Variants in NRG3 observed in about 807,000 individuals in gnomAD.
NRG3 encodes neuregulin 3.
A neutral mutation model predicts 66.9 loss-of-function variants in NRG3; 31 were observed. That is an observed-to-expected ratio of 0.46 (90% CI 0.35 to 0.63). The LOEUF is 0.63. Among genes scored for constraint, NRG3 ranks in the 20% least tolerant of loss-of-function variants. NRG3 has a pLI of 0.00. For synonymous variants in NRG3, 393 were observed against 359.4 expected, an observed-to-expected ratio of 1.09 and a Z score of -1.06; for missense variants, 910 against 878.9, an observed-to-expected ratio of 1.04 and a Z score of -0.45.
chr10:81,970,133 T>C (rs933029261), intron 1 of NRG3, among the ~76,000 whole-genome samples: 13 of 152,236 alleles, frequency 8.5e-5, no homozygotes, highest in African/African-American at 3.1e-4. Flanking sequence ...ACTTTAAAAG[T>C]AACTTTTCTA....
chr10:82,967,479 A>C (rs1851316967), intron 6 of NRG3, among the ~76,000 whole-genome samples: 1 of 152,204 alleles, frequency 6.6e-6, no homozygotes. Context: ...CACATAAAGC[A>C]TTCTCACAAT....
chr10:82,934,046 G>A (rs1592009261), intron 4 of NRG3, among the ~76,000 whole-genome samples: 1 of 152,258 alleles, frequency 6.6e-6, no homozygotes, highest in Admixed American at 6.5e-5. Context: ...TCTATCTCTA[G>A]GAACTGGTTA....
At chr10:82,469,107 T>C (rs766758006) in intron 2 of NRG3, among the ~76,000 whole-genome samples, 2 of 152,208 alleles carry the variant, frequency 1.3e-5, no homozygotes, top group South Asian at 2.1e-4. Context: ...ACTACAGTTA[T>C]TCACTTGGCC....
chr10:82,779,804 C>A (rs1186538500), intron 3 of NRG3, among the ~76,000 whole-genome samples: 1 of 151,672 alleles, frequency 6.6e-6, no homozygotes, highest in East Asian at 1.9e-4. Flanking sequence ...ATACATGTGC[C>A]ATGGTGGTTT....
At chr10:82,789,777 C>T (rs1481349232) in intron 3 of NRG3, among the ~76,000 whole-genome samples, 1 of 151,928 alleles carries the variant, frequency 6.6e-6, no homozygotes, top group East Asian at 1.9e-4. Context: ...CTATCACAGC[C>T]TTCCTTAGTA....
chr10:82,314,703 C>G (rs894105294), intron 1 of NRG3, among the ~76,000 whole-genome samples: 6 of 152,018 alleles, frequency 3.9e-5, no homozygotes, highest in Admixed American at 3.9e-4. Context: ...TCAGCTACTC[C>G]AGAGGCTGAG....
intron 1 of NRG3, among the ~76,000 whole-genome samples, chr10:82,288,245 C>T (rs540319086): frequency 3.4e-4 from 52 of 152,148 alleles, no homozygotes; most frequent in African/African-American, 9.4e-4. Context: ...TGTATGCTAC[C>T]CTTTTCACTT....
At chr10:82,448,590 A>G (rs558357838) in intron 2 of NRG3, among the ~76,000 whole-genome samples, 4 of 152,272 alleles carry the variant, frequency 2.6e-5, no homozygotes, top group Admixed American at 6.5e-5. Context: ...CAAAACATCT[A>G]AATCTCAATT....
chr10:82,365,004 G>GT (rs1183689220), intron 2 of NRG3, among the ~76,000 whole-genome samples: 4 of 152,138 alleles, frequency 2.6e-5, no homozygotes, highest in Non-Finnish European at 5.9e-5. Flanking sequence ...CTCTGAGTAG[G>GT]TTTTGAAATA....
chr10:82,661,199 A>G (rs1351911821), intron 2 of NRG3, among the ~76,000 whole-genome samples: 1 of 152,096 alleles, frequency 6.6e-6, no homozygotes, highest in African/African-American at 2.4e-5. Flanking sequence ...TTGTTTCAGG[A>G]GCTAGGATAC....
chr10:82,624,648 T>C (rs1431878659), intron 2 of NRG3, among the ~76,000 whole-genome samples: 3 of 150,912 alleles, frequency 2.0e-5, no homozygotes, highest in Non-Finnish European at 4.4e-5. Context: ...CAGGAAATTA[T>C]AAGTCTATAT....
chr10:82,709,076 C>T (rs748718807), intron 2 of NRG3, among the ~76,000 whole-genome samples: 1 of 152,170 alleles, frequency 6.6e-6, no homozygotes, highest in Non-Finnish European at 1.5e-5. Flanking sequence ...CATGTCCTCT[C>T]TTCTCCCTAT....
intron 4 of NRG3, among the ~76,000 whole-genome samples, chr10:82,881,955 C>T (rs1842338589): frequency 6.6e-6 from 1 of 152,088 alleles, no homozygotes; most frequent in African/African-American, 2.4e-5. Context: ...TCGTTTTTGC[C>T]CCTGGAACAG....
intron 2 of NRG3, among the ~76,000 whole-genome samples, chr10:82,438,404 G>A (rs939536873): frequency 5.3e-5 from 8 of 152,236 alleles, no homozygotes; most frequent in African/African-American, 1.7e-4. Context: ...TCTGGCTCCA[G>A]CAGGTGAAAA....
At position 82,912,287 on chromosome 10, in the gene NRG3, C is replaced by G. The variant is rs1845394121; in HGVS notation, c.1055-39182C>G. On this transcript the variant is annotated intron_variant, in intron 4 of 8. Coordinates refer to ENST00000372141, the MANE Select transcript of NRG3 (RefSeq NM_001010848.4). ...AAAATAGTGAATTAATCTATTTCCC[C>G]TTGTAGTTCTTCTAGTTTTAGCCTT... Among the ~76,000 whole-genome samples, 3 of 152,268 alleles carry G rather than the reference C, an allele frequency of 2.0e-5. No individual in the cohort carries two copies. The South Asian group carries it at 6.2e-4, about 32-fold the overall frequency.
intron 1 of NRG3, among the ~76,000 whole-genome samples, chr10:82,345,007 G>T (rs1376619172): frequency 1.8e-5 from 2 of 113,906 alleles, no homozygotes; most frequent in Non-Finnish European, 3.2e-5. Flanking sequence ...CTCCCATTTT[G>T]TAGGTTGCCT....
chr10:82,558,251 C>T (rs1227176818), intron 2 of NRG3, among the ~76,000 whole-genome samples: 2 of 152,118 alleles, frequency 1.3e-5, no homozygotes, highest in African/African-American at 4.8e-5. Context: ...GCAAAGTCAC[C>T]AGCTTGGCCA....
chr10:82,687,078 T>G (rs956135750), intron 2 of NRG3, among the ~76,000 whole-genome samples: 2 of 152,224 alleles, frequency 1.3e-5, no homozygotes, highest in African/African-American at 2.4e-5. Context: ...TAAGTCATCA[T>G]GCCCTCCGGA....
intron 2 of NRG3, among the ~76,000 whole-genome samples, chr10:82,690,891 C>A (rs1345398892): frequency 6.6e-6 from 1 of 152,080 alleles, no homozygotes; most frequent in African/African-American, 2.4e-5. Flanking sequence ...CTATTAAAAT[C>A]TCTCAACACT....
Sources: gnomAD v4.1 joint callset for allele counts (sites outside exome capture counted in the v4.1 genomes callset) on GRCh38, gnomAD v4.1.1 for gene constraint, MANE v1.5 for transcripts, NCBI Gene and HGNC (gene_info 2026-07-23, HGNC 2026-07-21) for gene names.